The following TEX101 variants were observed in gnomAD, a reference collection of about 807,000 sequenced individuals.
TEX101 encodes the protein testis expressed 101.
A neutral mutation model predicts 18.1 loss-of-function variants in TEX101; 10 were observed. That is an observed-to-expected ratio of 0.55 (90% CI 0.34 to 0.94). The LOEUF (loss-of-function observed/expected upper bound fraction) is 0.94. Ranked by LOEUF, TEX101 falls within the 40% of genes least tolerant of loss-of-function variation. TEX101 has a pLI of 0.02. For synonymous variants in TEX101, 94 were observed against 114.8 expected (o/e 0.82, Z 1.16); for missense variants, 259 against 298.9 (o/e 0.87, Z 0.98).
chr19:43,392,567 A>G, the TEX101 span, among the ~76,000 whole-genome samples: 14 of 152,088 alleles, frequency 9.2e-5, no homozygotes, highest in South Asian at 6.2e-4. Flanking sequence ...AAGAGCACCC[A>G]AGAGGAGGAG....
chr19:43,418,482 G>A lies in TEX101; in HGVS notation c.*85G>A. On this transcript the variant is annotated 3_prime_UTR_variant, in exon 6 of 6. Transcript: ENST00000598265. ...TTGAGGTTCAACAAGCTGAGGAGTAGATGGGAATTTGAGGGAGAATACAGA... is the reference window on the plus strand; with the variant it reads ...TTGAGGTTCAACAAGCTGAGGAGTAAATGGGAATTTGAGGGAGAATACAGA... The A allele has an allele frequency of 8.9e-7, 1 of 1,123,462 alleles. No homozygotes were observed. Among genetic ancestry groups the A allele is most frequent in the Non-Finnish European group, 1.3e-6 (1 of 773,182 alleles). The allele number at this position is 1,123,462 out of a possible 1,614,324, so 69.6% of individuals were successfully genotyped here.
Position 43,415,960 on chromosome 19 carries a change from T to C in TEX101, c.41T>C (p.Val14Ala), listed in dbSNP as rs770122625. ...PRIQHLLILL[V>A]LGASLLTSGL... ...ATCCAGCATTTGCTGATCCTCCTGG[T>C]CCTAGGAGCCTCCCTCCTGACCTGT... Residue 14 changes from valine to alanine, a missense_variant, in exon 2 of 6, where the codon GTC becomes GCC. Transcript: ENST00000598265. The C allele has an allele frequency of 6.2e-7, 1 of 1,614,092 alleles. No homozygotes were observed. Among genetic ancestry groups the C allele is most frequent in the South Asian group, 1.1e-5 (1 of 91,076 alleles).
At chr19:43,393,933 G>A in the TEX101 span, among the ~76,000 whole-genome samples, 1 of 152,024 alleles carries the variant, frequency 6.6e-6, no homozygotes, top group Non-Finnish European at 1.5e-5. Flanking sequence ...TTGGATTAAA[G>A]CCCAAAGTAA....
upstream of TEX101, among the ~76,000 whole-genome samples, chr19:43,410,312 TG>T (rs1020939765): frequency 1.3e-5 from 2 of 151,794 alleles, no homozygotes; most frequent in African/African-American, 4.8e-5. Context: ...AACAAATGCA[TG>T]GGGGAAGCGG....
At chr19:43,391,047 G>T in the TEX101 span, among the ~76,000 whole-genome samples, 2 of 152,274 alleles carry the variant, frequency 1.3e-5, no homozygotes, top group African/African-American at 2.4e-5. Context: ...AGAGCTCAAG[G>T]CTCATTCATG....
chr19:43,400,196 A>G (rs957576454), upstream of TEX101, among the ~76,000 whole-genome samples: 1 of 152,218 alleles, frequency 6.6e-6, no homozygotes, highest in Non-Finnish European at 1.5e-5. Context: ...CTCATCTTAC[A>G]TAATTCTTAC....
intron 3 of TEX101, among the ~76,000 whole-genome samples, chr19:43,408,734 A>G (rs1970393111): frequency 6.6e-6 from 1 of 152,090 alleles, no homozygotes; most frequent in Non-Finnish European, 1.5e-5. Context: ...GGGCTGCACT[A>G]TCAGAGAAAG....
chr19:43,406,557 A>C, intron 3 of TEX101: 1 of 671,606 alleles, frequency 1.5e-6, no homozygotes, highest in South Asian at 1.7e-5. Flanking sequence ...AAATTCCATT[A>C]TTAATTGTTT....
upstream of TEX101, among the ~76,000 whole-genome samples, chr19:43,398,834 C>T (rs1224039350): frequency 6.6e-6 from 1 of 152,074 alleles, no homozygotes; most frequent in African/African-American, 2.4e-5. Context: ...GCTAAAATCC[C>T]TATAAAGGGA....
intron 1 of TEX101, among the ~76,000 whole-genome samples, chr19:43,401,809 C>T (rs145297265): frequency 1.5e-4 from 23 of 151,926 alleles, no homozygotes; most frequent in African/African-American, 3.6e-4. Flanking sequence ...TGTGCCATTG[C>T]ACTCCAGCCT....
intron 3 of TEX101, among the ~76,000 whole-genome samples, chr19:43,407,826 C>T (rs2122329189): frequency 6.6e-6 from 1 of 152,334 alleles, no homozygotes. Context: ...ATGCGGAGAG[C>T]TCATTGTCTT....
At chr19:43,408,483 G>A (rs1193835834) in intron 3 of TEX101, among the ~76,000 whole-genome samples, 5 of 152,198 alleles carry the variant, frequency 3.3e-5, no homozygotes, top group East Asian at 1.9e-4. Flanking sequence ...GCCCTTGCAC[G>A]CCTCCTCCTC....
chr19:43,391,571 A>G, the TEX101 span, among the ~76,000 whole-genome samples: 1 of 151,922 alleles, frequency 6.6e-6, no homozygotes, highest in African/African-American at 2.4e-5. Flanking sequence ...CTCCTTTGTA[A>G]TGTAAGAGGT....
the TEX101 span, among the ~76,000 whole-genome samples, chr19:43,394,315 A>T: frequency 2.0e-5 from 3 of 152,116 alleles, no homozygotes; most frequent in East Asian, 1.9e-4. Flanking sequence ...TTGAGATGTA[A>T]GCAGATCCTA....
At chr19:43,407,882 C>T (rs1214237420) in intron 3 of TEX101, among the ~76,000 whole-genome samples, 1 of 152,208 alleles carries the variant, frequency 6.6e-6, no homozygotes, top group Non-Finnish European at 1.5e-5. Context: ...GCCCTTCACG[C>T]AAGGCCCATT....
chr19:43,417,030 CAAAA>C (rs746528568), intron 4 of TEX101, among the ~76,000 whole-genome samples: 11 of 70,492 alleles, frequency 1.6e-4, no homozygotes, highest in Admixed American at 4.7e-4. Context: ...AAGACTCCAT[CAAAA>C]AAAAAAAAAA....
At chr19:43,402,999 A>G (rs1482433912) in intron 2 of TEX101, 2 of 152,278 alleles carry the variant, frequency 1.3e-5, no homozygotes, top group Admixed American at 1.3e-4. Context: ...AACCAGAAAG[A>G]AAAAACAAAA....
At chr19:43,406,940 T>G (rs1004274257) in intron 3 of TEX101, among the ~76,000 whole-genome samples, 1 of 151,082 alleles carries the variant, frequency 6.6e-6, no homozygotes. Flanking sequence ...TGTTTTTTTT[T>G]TTTTTTTTGA....
chr19:43,406,566 T>G, intron 3 of TEX101: 1 of 660,350 alleles, frequency 1.5e-6, no homozygotes, highest in Non-Finnish European at 2.8e-6. Context: ...TATTAATTGT[T>G]TTTTCACTAA....
Sources: gnomAD v4.1 joint callset for allele counts (sites outside exome capture counted in the v4.1 genomes callset) on GRCh38, gnomAD v4.1.1 for gene constraint, MANE v1.5 for transcripts, NCBI Gene and HGNC (gene_info 2026-07-23, HGNC 2026-07-21) for gene names.